JMJD6: variants seen among roughly 807,000 people sequenced by gnomAD.
The protein encoded by JMJD6 is bifunctional arginine demethylase and lysyl-hydroxylase JMJD6.
In JMJD6, 17 loss-of-function variants were observed where a neutral mutation model predicts 45.8. The observed-to-expected ratio is 0.37, with a 90% confidence interval of 0.25 to 0.56. The LOEUF is 0.56. Among genes scored for constraint, JMJD6 ranks in the 20% least tolerant of loss-of-function variants. The pLI, the probability that JMJD6 is intolerant of heterozygous loss-of-function variation, is 0.79. For missense variants in JMJD6, 470 were observed against 517.5 expected (o/e 0.91, Z 0.89); for synonymous variants, 221 against 196.3 (o/e 1.13, Z -1.05).
intron 5 of JMJD6, among the ~76,000 whole-genome samples, chr17:76,719,424 G>A (rs1240634166): frequency 6.6e-6 from 1 of 152,126 alleles, no homozygotes; most frequent in Non-Finnish European, 1.5e-5. Flanking sequence ...GAGTAGCTGG[G>A]ATTACAGGTG....
At chr17:76,718,119 C>T (rs1015496439), downstream of JMJD6, among the ~76,000 whole-genome samples, 24 of 144,038 alleles carry the variant, frequency 1.7e-4, no homozygotes, top group African/African-American at 5.5e-4. Context: ...GCCATGATCA[C>T]GCCACTGCAC....
At chr17:76,723,321 CAT>C (rs1160386129) in intron 3 of JMJD6, among the ~76,000 whole-genome samples, 2 of 152,168 alleles carry the variant, frequency 1.3e-5, no homozygotes, top group Non-Finnish European at 2.9e-5. Flanking sequence ...ACTATAGCTA[CAT>C]GTTACTGTCA....
chr17:76,724,666 A>C (rs527369854), intron 2 of JMJD6, among the ~76,000 whole-genome samples: 1 of 151,582 alleles, frequency 6.6e-6, no homozygotes, highest in Admixed American at 6.6e-5. Flanking sequence ...AAAATACAAA[A>C]ATTAGCCGGG....
downstream of JMJD6, chr17:76,716,376 G>A: frequency 3.0e-6 from 1 of 334,092 alleles, no homozygotes; most frequent in Non-Finnish European, 5.6e-6. Flanking sequence ...GACGTTACAA[G>A]GATCACACCC....
downstream of JMJD6, chr17:76,715,997 C>CT (rs1215746507): frequency 1.3e-5 from 2 of 152,364 alleles, no homozygotes; most frequent in Admixed American, 6.5e-5. Flanking sequence ...CCTATTCATA[C>CT]TTTAAGTTCT....
chr17:76,716,692 G>A, downstream of JMJD6: 1 of 1,614,098 alleles, frequency 6.2e-7, no homozygotes, highest in Non-Finnish European at 8.5e-7. Context: ...CTGCTCAGGG[G>A]TGAGCCCGGC....
At chr17:76,723,748 T>C in intron 3 of JMJD6, 24 bp downstream of exon 3, 1 of 1,607,950 alleles carries the variant, frequency 6.2e-7, no homozygotes, top group Non-Finnish European at 8.5e-7. Context: ...GCAAAGAATG[T>C]ACTTTCTTCC....
Position 76,723,592 on chromosome 17 carries a change from C to G in JMJD6, c.805+180G>C, listed in dbSNP as rs568586960. On this transcript the variant is annotated intron_variant, in intron 3 of 5. Transcript: ENST00000397625. ...AGTGGCTGGGACTATAGGCGCCCACCACCACGCCCGGCTAATTTTTTTGTA... is the reference window on the plus strand; with the variant it reads ...AGTGGCTGGGACTATAGGCGCCCACGACCACGCCCGGCTAATTTTTTTGTA... Among the ~76,000 whole-genome samples the G allele has an allele frequency of 1.1e-4, 16 of 152,226 alleles. No individual in the cohort carries two copies. The East Asian group carries it at 3.1e-3, about 30-fold the overall frequency.
downstream of JMJD6, chr17:76,716,411 C>T (rs561388563): frequency 4.7e-5 from 19 of 405,292 alleles, no homozygotes; most frequent in South Asian, 1.8e-4. Context: ...TTGACTGGCT[C>T]GGTTTTCAAT....
chr17:76,717,977 C>A (rs186145443), downstream of JMJD6, among the ~76,000 whole-genome samples: 1 of 146,776 alleles, frequency 6.8e-6, no homozygotes, highest in Non-Finnish European at 1.5e-5. Flanking sequence ...GACAACAGAG[C>A]GAGACTCTGT....
Position 76,725,390 on chromosome 17 carries a change from G to A in JMJD6, c.518+77C>T, listed in dbSNP as rs992157384. On this transcript the variant is annotated intron_variant, in intron 2 of 5. Coordinates refer to ENST00000397625, the MANE Select transcript of JMJD6 (RefSeq NM_015167.3). ...CACGGCACTGCAGCCTGGGCTACAA[G>A]AGTGACGCTCTGTCTCAAAAAAAAA... 38 of 1,318,660 alleles carry A rather than the reference G, an allele frequency of 2.9e-5. No individual in the cohort carries two copies. The Admixed American group carries it at 1.2e-3, about 42-fold the overall frequency. The allele number at this position is 1,318,660 out of a possible 1,614,324, so 81.7% of individuals were successfully genotyped here. A position where few individuals can be genotyped will look rare whatever the true frequency, so the allele number is the denominator to read the frequency against.
chr17:76,724,083 G>T, intron 2 of JMJD6, 25 bp from the exon 3 acceptor site: 1 of 1,609,260 alleles, frequency 6.2e-7, no homozygotes. Context: ...TATCCAAGAT[G>T]TGAAGTGTAA....
chr17:76,723,235 C>T (rs1271543240), intron 3 of JMJD6, among the ~76,000 whole-genome samples: 4 of 152,124 alleles, frequency 2.6e-5, no homozygotes, highest in South Asian at 2.1e-4. Context: ...TGTGAGCCAC[C>T]GCACCGGGCC....
Position 76,726,351 on chromosome 17 carries a change from A to C in JMJD6, c.125T>G (p.Val42Gly). The stretch of plus-strand genomic sequence containing the variant: ...ACCCCCGCCCGACCCGCTCACCGCC[A>C]CGGCCGCCGGGCTCAGCGAGAAGCT... The part of the protein sequence containing the change: ...YESFSLSPAA[V>G]ADNVERADAL... Residue 42 changes from valine (V) to glycine (G), a missense_variant, in exon 1 of 6, where the codon GTG becomes GGG. Around this residue, in one of 4 missense-constraint regions of JMJD6, gnomAD observed 346 missense variants for 339.5 expected, o/e 1.02. Coordinates refer to ENST00000397625, the MANE Select transcript of JMJD6 (RefSeq NM_015167.3). 2 of 1,580,398 alleles carry C rather than the reference A, an allele frequency of 1.3e-6. No individual in the cohort carries two copies. Among genetic ancestry groups the C allele is most frequent in the Non-Finnish European group, 1.7e-6 (2 of 1,166,576 alleles).
chr17:76,716,862 A>T (rs1322767981), downstream of JMJD6: 1 of 740,454 alleles, frequency 1.4e-6, no homozygotes, highest in East Asian at 2.5e-5. Context: ...TTTTCTTACA[A>T]ATTACAAAGT....
At chr17:76,723,173 C>T (rs1490034634) in intron 3 of JMJD6, among the ~76,000 whole-genome samples, 5 of 151,840 alleles carry the variant, frequency 3.3e-5, no homozygotes, top group South Asian at 2.1e-4. Context: ...CTTGAACTCC[C>T]GACCTCAAGT....
downstream of JMJD6, chr17:76,715,875 A>T (rs985147116): frequency 1.3e-5 from 2 of 152,264 alleles, no homozygotes; most frequent in Admixed American, 6.5e-5. Flanking sequence ...CCCCGTGTGT[A>T]ACACAAGTCA....
chr17:76,726,218 G>C, intron 1 of JMJD6, 129 bp downstream of exon 1: 1 of 1,268,732 alleles, frequency 7.9e-7, no homozygotes, highest in Non-Finnish European at 1.0e-6. Context: ...CCCAAACTCC[G>C]CGGGGTGCGG....
intron 5 of JMJD6, among the ~76,000 whole-genome samples, chr17:76,720,101 C>T (rs945366250): frequency 1.4e-4 from 22 of 152,296 alleles, no homozygotes; most frequent in Middle Eastern, 3.4e-3. Context: ...GCCGAGATCG[C>T]GCCATTGCAC....
Sources: gnomAD v4.1 joint callset for allele counts (sites outside exome capture counted in the v4.1 genomes callset) on GRCh38, gnomAD v4.1.1 for gene constraint, gnomAD v4.1.1 regional missense constraint, MANE v1.5 for transcripts, NCBI Gene and HGNC (gene_info 2026-07-23, HGNC 2026-07-21) for gene names.